Variants in DYM observed in about 807,000 individuals in gnomAD.
The protein encoded by DYM is dyggve-Melchior-Clausen syndrome protein.
A neutral mutation model predicts 93.1 loss-of-function variants in DYM; 78 were observed. The observed-to-expected ratio is 0.84, with a 90% CI of 0.70 to 1.01. The LOEUF (loss-of-function observed/expected upper bound fraction) is 1.01, where lower values mean the gene tolerates loss of function less well. Among genes scored for constraint, DYM ranks in the 50% least tolerant of loss-of-function variants. The pLI is 0.00. For missense variants in DYM, 789 were observed against 845.0 expected (o/e 0.93, Z 0.82); for synonymous variants, 321 against 319.7 (o/e 1.00, Z -0.04).
At chr18:49,282,530 T>C (rs1451586459) in intron 9 of DYM, among the ~76,000 whole-genome samples, 2 of 152,200 alleles carry the variant, frequency 1.3e-5, no homozygotes, top group African/African-American at 4.8e-5. Context: ...GGAGAATCGC[T>C]TGAACCTGGG....
intron 2 of DYM, among the ~76,000 whole-genome samples, chr18:49,397,379 T>C (rs2070233883): frequency 6.6e-6 from 1 of 152,202 alleles, no homozygotes; most frequent in Non-Finnish European, 1.5e-5. Context: ...ACAGGACCAT[T>C]ATAAATCTTA....
At chr18:49,084,196 C>G (rs537109547) in intron 17 of DYM, among the ~76,000 whole-genome samples, 1 of 152,288 alleles carries the variant, frequency 6.6e-6, no homozygotes, top group Admixed American at 6.5e-5. Context: ...TCATTTAGTT[C>G]AAACTGTCTT....
intron 2 of DYM, among the ~76,000 whole-genome samples, chr18:49,428,196 A>G (rs1358430789): frequency 6.6e-5 from 10 of 151,500 alleles, no homozygotes; most frequent in Non-Finnish European, 1.2e-4. Context: ...AGTGGCTCAC[A>G]CTTGTAATCC....
At chr18:49,080,883 C>CTGCAATCTCGGCACTTTGG (rs1431021569) in intron 17 of DYM, among the ~76,000 whole-genome samples, 4 of 150,846 alleles carry the variant, frequency 2.7e-5, no homozygotes, top group African/African-American at 2.4e-5. Flanking sequence ...CGGGCAGAGG[C>CTGCAATCTCGGCACTTTGG]GCTCCCCACA....
chr18:49,433,758 C>G (rs2080552065), intron 1 of DYM, among the ~76,000 whole-genome samples: 1 of 152,080 alleles, frequency 6.6e-6, no homozygotes, highest in Non-Finnish European at 1.5e-5. Flanking sequence ...ATCCCAGCTC[C>G]TCAGGAGGCT....
intron 10 of DYM, among the ~76,000 whole-genome samples, chr18:49,274,252 C>T (rs1788120): frequency 0.94 from 143,738 of 152,182 alleles, 68,341 homozygotes; most frequent in Non-Finnish European, 1. Flanking sequence ...TCATACACTA[C>T]GTAGATTTTT....
At chr18:49,299,547 T>C (rs2060771896) in intron 8 of DYM, among the ~76,000 whole-genome samples, 1 of 152,108 alleles carries the variant, frequency 6.6e-6, no homozygotes, top group Admixed American at 6.6e-5. Flanking sequence ...CACCCTCCAC[T>C]ACTAAACAAC....
chr18:49,358,870 A>G (rs1223298979), intron 6 of DYM, among the ~76,000 whole-genome samples: 1 of 152,148 alleles, frequency 6.6e-6, no homozygotes, highest in African/African-American at 2.4e-5. Flanking sequence ...AAGACAAGGG[A>G]AAAAAATCTA....
intron 10 of DYM, among the ~76,000 whole-genome samples, chr18:49,277,253 T>C (rs1325856141): frequency 6.6e-6 from 1 of 152,118 alleles, no homozygotes; most frequent in African/African-American, 2.4e-5. Flanking sequence ...TGGGAACATA[T>C]ACACTGGCAA....
intron 8 of DYM, among the ~76,000 whole-genome samples, chr18:49,302,893 G>A (rs1193179020): frequency 1.3e-5 from 2 of 152,154 alleles, no homozygotes; most frequent in Non-Finnish European, 2.9e-5. Flanking sequence ...CCCTCATCCT[G>A]GCTGAAAATA....
intron 1 of DYM, among the ~76,000 whole-genome samples, chr18:49,439,564 T>C (rs1241602578): frequency 2.0e-5 from 3 of 152,160 alleles, no homozygotes; most frequent in Admixed American, 1.3e-4. Context: ...TAAAGAGAAA[T>C]TACTCAAAAA....
chr18:49,290,633 A>G (rs1449781366), intron 8 of DYM, among the ~76,000 whole-genome samples: 1 of 152,118 alleles, frequency 6.6e-6, no homozygotes, highest in Non-Finnish European at 1.5e-5. Flanking sequence ...GAAAAAGGCC[A>G]TTCACAAACT....
intron 6 of DYM, among the ~76,000 whole-genome samples, chr18:49,347,532 C>G (rs527851084): frequency 6.6e-6 from 1 of 152,148 alleles, no homozygotes; most frequent in Non-Finnish European, 1.5e-5. Context: ...GGGCCTGCTT[C>G]TAAGCATCTA....
chr18:49,285,272 C>T (rs1036125912), intron 9 of DYM, among the ~76,000 whole-genome samples: 3 of 152,158 alleles, frequency 2.0e-5, no homozygotes, highest in Admixed American at 6.5e-5. Context: ...GCACATTTAG[C>T]CACGTCTATA....
intron 6 of DYM, among the ~76,000 whole-genome samples, chr18:49,351,144 G>A (rs949545213): frequency 2.6e-5 from 4 of 152,080 alleles, no homozygotes; most frequent in Non-Finnish European, 4.4e-5. Context: ...GGGAAGGGCC[G>A]GGTACGGTGG....
intron 14 of DYM, among the ~76,000 whole-genome samples, chr18:49,188,693 G>A (rs1282012586): frequency 1.3e-5 from 2 of 151,976 alleles, no homozygotes; most frequent in East Asian, 1.9e-4. Flanking sequence ...CTGTTGTGGC[G>A]TGGGGGGAAG....
intron 5 of DYM, among the ~76,000 whole-genome samples, chr18:49,365,220 T>C (rs2066413808): frequency 6.6e-6 from 1 of 152,112 alleles, no homozygotes; most frequent in Admixed American, 6.5e-5. Context: ...TCAGAAATTA[T>C]AAAGAAATTT....
At chr18:49,252,241 A>AAAAAAAAAAAAAAAC (rs1568106559) in intron 13 of DYM, among the ~76,000 whole-genome samples, 1 of 148,446 alleles carries the variant, frequency 6.7e-6, no homozygotes, top group Non-Finnish European at 1.5e-5. Flanking sequence ...AAAAAAAAAA[A>AAAAAAAAAAAAAAAC]AGAACTGCCT....
intron 10 of DYM, 145 bp downstream of exon 10, chr18:49,281,852 T>G: frequency 1.4e-6 from 1 of 725,114 alleles, no homozygotes; most frequent in East Asian, 3.0e-5. Flanking sequence ...TACCTAATGT[T>G]AAATGACGAG....
Sources: allele counts gnomAD v4.1 joint callset (sites outside exome capture counted in the v4.1 genomes callset), GRCh38; gene constraint gnomAD v4.1.1; transcripts MANE v1.5; gene names NCBI Gene and HGNC (gene_info 2026-07-23, HGNC 2026-07-21).